The following C2CD3 variants were observed in gnomAD, a reference collection of about 807,000 sequenced individuals.
The protein encoded by C2CD3 is C2 domain-containing protein 3.
In C2CD3, 148 loss-of-function variants were observed where a neutral mutation model predicts 234.0. That is an observed-to-expected ratio of 0.63 (90% CI 0.55 to 0.72). The LOEUF (loss-of-function observed/expected upper bound fraction) is 0.72, where lower values mean the gene tolerates loss of function less well. Among genes scored for constraint, C2CD3 ranks in the 30% least tolerant of loss-of-function variants. The pLI is 0.00. For missense variants in C2CD3, 2,577 were observed against 2,811.5 expected (o/e 0.92, Z 1.89); for synonymous variants, 1,000 against 1,035.4 (o/e 0.97, Z 0.66).
intron 31 of C2CD3, among the ~76,000 whole-genome samples, chr11:74,031,765 C>T (rs1003277925): frequency 6.6e-6 from 1 of 152,206 alleles, no homozygotes; most frequent in Non-Finnish European, 1.5e-5. Flanking sequence ...GGTCTGGGCA[C>T]ATGTGGCATC....
intron 2 of C2CD3, among the ~76,000 whole-genome samples, chr11:74,162,717 T>C (rs1856556007): frequency 6.6e-6 from 1 of 152,172 alleles, no homozygotes; most frequent in African/African-American, 2.4e-5. Flanking sequence ...TAGCAAGTAT[T>C]TGATAAGAAA....
intron 24 of C2CD3, among the ~76,000 whole-genome samples, chr11:74,062,646 G>T (rs1954301704): frequency 6.6e-6 from 1 of 152,070 alleles, no homozygotes; most frequent in African/African-American, 2.4e-5. Flanking sequence ...GAAATTTATA[G>T]CACTAAATGC....
chr11:74,025,570 G>C (rs1440352659), intron 32 of C2CD3, among the ~76,000 whole-genome samples: 1 of 152,156 alleles, frequency 6.6e-6, no homozygotes, highest in Non-Finnish European at 1.5e-5. Context: ...TGGAAGGTGA[G>C]GGATGGCCAT....
At chr11:74,096,798 T>C (rs1956123161) in intron 16 of C2CD3, among the ~76,000 whole-genome samples, 1 of 152,210 alleles carries the variant, frequency 6.6e-6, no homozygotes, top group Non-Finnish European at 1.5e-5. Flanking sequence ...TTTGTGCTTT[T>C]ATGTAATTTT....
At chr11:74,162,901 T>C (rs755014509) in intron 2 of C2CD3, among the ~76,000 whole-genome samples, 20 of 152,198 alleles carry the variant, frequency 1.3e-4, no homozygotes, top group Non-Finnish European at 2.9e-4. Context: ...AGTATCTAAT[T>C]GCATACTCTT....
chr11:74,082,162 G>A (rs1333272346), intron 22 of C2CD3, among the ~76,000 whole-genome samples: 4 of 146,182 alleles, frequency 2.7e-5, no homozygotes, highest in Non-Finnish European at 6.0e-5. Flanking sequence ...TCGGTCTGTC[G>A]CCCAGGCTGG....
At chr11:74,031,340 C>T (rs1952514751) in intron 31 of C2CD3, among the ~76,000 whole-genome samples, 1 of 152,238 alleles carries the variant, frequency 6.6e-6, no homozygotes, top group Admixed American at 6.5e-5. Context: ...TCACCTCGCA[C>T]CATCCCCTCA....
Position 74,090,802 on chromosome 11 carries a change from G to C in C2CD3, c.3641+11C>G. 6.2e-7 allele frequency: 1 copy of C among 1,614,052 alleles called. No homozygotes were observed. Among genetic ancestry groups the C allele is most frequent in the South Asian group, 1.1e-5 (1 of 91,068 alleles). On this transcript the variant is annotated intron_variant, in intron 20 of 32. Coordinates refer to ENST00000334126, the MANE Select transcript of C2CD3 (RefSeq NM_001286577.2). The stretch of plus-strand genomic sequence containing the variant: ...AAAGGCTTGAGAATTGCTTGTCTCA[G>C]GTGGACTTACTTGGCTGCTGCTTGC...
chr11:74,095,297 C>T lies in C2CD3; in HGVS notation c.3091G>A (p.Val1031Ile). Residue 1031 changes from valine to isoleucine, a missense_variant, in exon 17 of 33, where the codon GTC (valine) becomes ATC (isoleucine). Physicochemically the swap from Val to Ile is conservative, Grantham distance 29. Coordinates refer to ENST00000334126, the MANE Select transcript of C2CD3 (RefSeq NM_001286577.2). ...ATVWGEADCY[V>I]QYYFPVQHSQ... ...TGTTGAACTGGAAAGTAGTACTGGA[C>T]ATAACAATCTGCTTCTCCCCAGACT... 1 of 1,613,820 alleles carries T rather than the reference C, an allele frequency of 6.2e-7. No homozygotes were observed. Among genetic ancestry groups the T allele is most frequent in the Non-Finnish European group, 8.5e-7 (1 of 1,179,776 alleles).
At chr11:74,028,448 C>G (rs1952394706) in intron 31 of C2CD3, 50 bp from the exon 32 acceptor site, 1 of 1,133,748 alleles carries the variant, frequency 8.8e-7, no homozygotes, top group Non-Finnish European at 1.3e-6. Flanking sequence ...ACCCCTCTTG[C>G]AGTGGAGGCC....
intron 16 of C2CD3, among the ~76,000 whole-genome samples, chr11:74,097,084 G>C (rs1956138832): frequency 6.6e-6 from 1 of 151,796 alleles, no homozygotes; most frequent in African/African-American, 2.4e-5. Flanking sequence ...AGTTGGTGGA[G>C]GTTGTAGTGA....
intron 24 of C2CD3, among the ~76,000 whole-genome samples, chr11:74,068,162 AT>A (rs1234989285): frequency 1.3e-5 from 2 of 152,178 alleles, no homozygotes; most frequent in Non-Finnish European, 2.9e-5. Context: ...AATATTCTAT[AT>A]TAAACTCCTC....
chr11:74,111,927 C>T (rs891871551), intron 11 of C2CD3, among the ~76,000 whole-genome samples: 25 of 77,228 alleles, frequency 3.2e-4, no homozygotes, highest in African/African-American at 1.4e-3. Context: ...GATACACACA[C>T]ACACACACAC....
At chr11:74,042,726 C>A (rs1953131344) in intron 28 of C2CD3, among the ~76,000 whole-genome samples, 1 of 151,402 alleles carries the variant, frequency 6.6e-6, no homozygotes, top group South Asian at 2.1e-4. Flanking sequence ...GCACTCCAGC[C>A]TGGGAGACAG....
At chr11:74,169,419 C>A (rs1277010305) in intron 1 of C2CD3, among the ~76,000 whole-genome samples, 1 of 152,138 alleles carries the variant, frequency 6.6e-6, no homozygotes, top group East Asian at 1.9e-4. Context: ...ATTTAAGAAA[C>A]CATTCCTATA....
At chr11:74,131,707 T>A (rs537537319) in intron 7 of C2CD3, among the ~76,000 whole-genome samples, 1 of 152,126 alleles carries the variant, frequency 6.6e-6, no homozygotes, top group Admixed American at 6.5e-5. Context: ...TGCCTCAGCC[T>A]CCTGAGTAGC....
chr11:74,159,263 T>C (rs546558574), intron 3 of C2CD3, among the ~76,000 whole-genome samples: 1 of 152,338 alleles, frequency 6.6e-6, no homozygotes, highest in South Asian at 2.1e-4. Flanking sequence ...TGGTTTACAA[T>C]TTACTATATT....
At chr11:74,042,415 C>G (rs1953110410) in intron 28 of C2CD3, among the ~76,000 whole-genome samples, 197 bp from the exon 29 acceptor site, 1 of 151,884 alleles carries the variant, frequency 6.6e-6, no homozygotes, top group South Asian at 2.1e-4. Flanking sequence ...TCTTGCCTAC[C>G]CCCTTTTAAC....
intron 24 of C2CD3, among the ~76,000 whole-genome samples, chr11:74,067,914 CT>C (rs1832747673): frequency 6.6e-6 from 1 of 152,182 alleles, no homozygotes; most frequent in South Asian, 2.1e-4. Flanking sequence ...GGACATCTTT[CT>C]TTTCCTTCTG....
Sources: gnomAD v4.1 joint callset for allele counts (sites outside exome capture counted in the v4.1 genomes callset) on GRCh38, gnomAD v4.1.1 for gene constraint, MANE v1.5 for transcripts, NCBI Gene and HGNC (gene_info 2026-07-23, HGNC 2026-07-21) for gene names.